ROCK1: variants seen among roughly 807,000 people sequenced by gnomAD.
ROCK1 encodes Rho associated coiled-coil containing protein kinase 1.
ROCK1 carries 36 observed loss-of-function variants against 196.8 expected under a neutral mutation model. The observed-to-expected ratio is 0.18, with a 90% CI of 0.14 to 0.24. ROCK1 has a LOEUF of 0.24. ROCK1 is among the 10% of genes least tolerant of loss of function. The pLI is 1.00. For missense variants in ROCK1, 920 were observed against 1,562.0 expected (o/e 0.59, Z 6.93); for synonymous variants, 443 against 515.9 (o/e 0.86, Z 1.91).
At chr18:21,004,944 A>C (rs1057038493) in intron 16 of ROCK1, among the ~76,000 whole-genome samples, 1 of 152,166 alleles carries the variant, frequency 6.6e-6, no homozygotes, top group Non-Finnish European at 1.5e-5. Flanking sequence ...TTCCTTAGTC[A>C]CAAAAACTGA....
intron 2 of ROCK1, among the ~76,000 whole-genome samples, chr18:21,059,365 G>A (rs1209723714): frequency 6.6e-6 from 1 of 152,124 alleles, no homozygotes; most frequent in Non-Finnish European, 1.5e-5. Flanking sequence ...CCTTCTCTGG[G>A]ACATTATTTC....
At chr18:21,029,736 AAACT>A (rs1405700677) in intron 9 of ROCK1, among the ~76,000 whole-genome samples, 1 of 152,198 alleles carries the variant, frequency 6.6e-6, no homozygotes, top group Non-Finnish European at 1.5e-5. Context: ...ATTCCATATA[AAACT>A]AATACTACTA....
At position 20,954,984 on chromosome 18, in the gene ROCK1, C is replaced by T; in HGVS notation, c.3652G>A (p.Ala1218Thr). The T allele has an allele frequency of 2.5e-6, 4 of 1,613,906 alleles. No individual in the cohort carries two copies. The highest frequency in any genetic ancestry group is 3.4e-6 in the Non-Finnish European group (4 of 1,179,840). Residue 1218 changes from alanine (A) to threonine (T), a missense_variant, in exon 31 of 33, where the codon GCT becomes ACT. Coordinates refer to ENST00000399799, the MANE Select transcript of ROCK1 (RefSeq NM_005406.3). The stretch of plus-strand genomic sequence containing the variant: ...TGATTTTGGAAATTAGTTTTTTCAG[C>T]TTGTTGTACTGGTTCCATCTCTACA... ...KDVEMEPVQQ[A>T]EKTNFQNHKG... is the part of the protein sequence containing the mutation.
At chr18:21,023,561 A>G (rs1282083970) in intron 11 of ROCK1, 59 bp downstream of exon 11, 1 of 936,828 alleles carries the variant, frequency 1.1e-6, no homozygotes, top group African/African-American at 1.7e-5. Flanking sequence ...ATACCCACAA[A>G]TATATTATCC....
At position 21,069,841 on chromosome 18, in the gene ROCK1, A is replaced by T. The variant is rs202182308; in HGVS notation, c.175+691T>A. Among the ~76,000 whole-genome samples the T allele has an allele frequency of 5.0e-4, 76 of 152,176 alleles. No individual in the cohort carries two copies. The East Asian group carries it at 6.5e-3, about 13-fold the overall frequency. On this transcript the variant is annotated intron_variant, in intron 2 of 32. Transcript: ENST00000399799. ...TCAGAATCTGGCACCATATTCAAAA[A>T]CGAAAATAAAACAATAATTTTTTAA...
At chr18:21,024,378 T>TG in intron 10 of ROCK1, among the ~76,000 whole-genome samples, 1 of 152,286 alleles carries the variant, frequency 6.6e-6, no homozygotes, top group East Asian at 1.9e-4. Context: ...ACAATCTAAA[T>TG]AGATCATATA....
At chr18:21,073,514 T>C (rs1321176627) in intron 1 of ROCK1, among the ~76,000 whole-genome samples, 3 of 152,282 alleles carry the variant, frequency 2.0e-5, no homozygotes, top group South Asian at 2.1e-4. Context: ...GTGTAAAACA[T>C]CATTTAGGAT....
chr18:21,036,314 G>A (rs1217108408), intron 9 of ROCK1, among the ~76,000 whole-genome samples: 1 of 152,204 alleles, frequency 6.6e-6, no homozygotes, highest in African/African-American at 2.4e-5. Flanking sequence ...GCCGGCAGAA[G>A]TATTACCACT....
intron 2 of ROCK1, among the ~76,000 whole-genome samples, chr18:21,058,068 T>C (rs997769906): frequency 7.2e-5 from 11 of 152,150 alleles, no homozygotes; most frequent in Admixed American, 1.3e-4. Context: ...TGCAAAGAAA[T>C]AGAACAAACT....
rs534384649 is a variant in ROCK1, at chr18:21,101,374, G to A, written c.93+9444C>T. Among the ~76,000 whole-genome samples, 4 of 152,288 alleles carry A rather than the reference G, an allele frequency of 2.6e-5. No individual in the cohort carries two copies. The South Asian group carries it at 8.3e-4, about 32-fold the overall frequency. On this transcript the variant is annotated intron_variant, in intron 1 of 32. Coordinates refer to ENST00000399799, the MANE Select transcript of ROCK1 (RefSeq NM_005406.3). ...CACCTGAACAGAATGATCAACCTTAGCATCACTACAGGCCAGGCAGACATT... is the reference window on the plus strand; with the variant it reads ...CACCTGAACAGAATGATCAACCTTAACATCACTACAGGCCAGGCAGACATT...
At position 21,015,665 on chromosome 18, in the gene ROCK1, T is replaced by C. The variant is rs1265085934; in HGVS notation, c.1362-186A>G. On this transcript the variant is annotated intron_variant, in intron 12 of 32. Transcript: ENST00000399799. ...AAAATATTTTTTGAAGCACAAAAAT[T>C]ATATATGATTAAAAGAGACAATTAG... Among the ~76,000 whole-genome samples the C allele has an allele frequency of 8.6e-5, 13 of 151,958 alleles. No homozygotes were observed. In the East Asian group the frequency reaches 1.5e-3, roughly 18 times the overall value.
chr18:21,067,025 A>G (rs765390770), intron 2 of ROCK1, among the ~76,000 whole-genome samples: 6 of 152,220 alleles, frequency 3.9e-5, no homozygotes, highest in Non-Finnish European at 8.8e-5. Flanking sequence ...AAAGTGCCTT[A>G]CCATTTACCA....
At chr18:20,975,697 G>A (rs1277414010) in intron 22 of ROCK1, among the ~76,000 whole-genome samples, 2 of 152,028 alleles carry the variant, frequency 1.3e-5, no homozygotes, top group East Asian at 1.9e-4. Context: ...TGCAAGCTCC[G>A]CCTCCCAGGT....
chr18:20,951,279 G>GT lies in ROCK1; in HGVS notation c.*104dup, dbSNP rs1173502759. 2.6e-5 allele frequency: 26 copies of GT among 1,011,462 alleles called. No individual in the cohort carries two copies. The highest frequency in any genetic ancestry group is 3.4e-5 in the Non-Finnish European group (23 of 682,708). The allele number at this position is 1,011,462 out of a possible 1,614,324, so 62.7% of individuals were successfully genotyped here. A position where few individuals can be genotyped will look rare whatever the true frequency, so the allele number is the denominator to read the frequency against. ...AACAGCAATCTTAACCCTGAAGCCT[G>GT]TGATATTTGTGTCAAAGAAACAGCC... On this transcript the variant is annotated 3_prime_UTR_variant, in exon 33 of 33. Transcript: ENST00000399799.
rs763866091 is a variant in ROCK1 at position 20,984,444 on chromosome 18, T to C, written c.2396A>G (p.Asn799Ser). The C allele has an allele frequency of 1.1e-5, 18 of 1,613,182 alleles. No individual in the cohort carries two copies. The highest frequency in any genetic ancestry group is 1.7e-5 in the Admixed American group (1 of 59,958). Residue 799 changes from asparagine (N) to serine (S), a missense_variant, in exon 20 of 33, where the codon AAT becomes AGT. Asn to Ser is a conservative substitution (Grantham distance 46). Coordinates refer to ENST00000399799, the MANE Select transcript of ROCK1 (RefSeq NM_005406.3). ...ELKTQAFEAD[N>S]LKGLEKQMKQ... ...CATCTGCTTTTCTAAACCTTTTAAA[T>C]TGTCTGCCTCAAATGCTTGAGTCTT...
chr18:21,033,657 A>G (rs893619130), intron 9 of ROCK1, among the ~76,000 whole-genome samples: 1 of 151,886 alleles, frequency 6.6e-6, no homozygotes, highest in African/African-American at 2.4e-5. Context: ...ATCAGAAATA[A>G]AAGTTCTACT....
intron 27 of ROCK1, 101 bp downstream of exon 27, chr18:20,966,816 C>T: frequency 1.1e-6 from 1 of 891,036 alleles, no homozygotes; most frequent in South Asian, 1.7e-5. Flanking sequence ...TCTTAGGAAT[C>T]CATGGACAAA....
chr18:21,091,471 C>T (rs1296163952), intron 1 of ROCK1, among the ~76,000 whole-genome samples: 3 of 152,048 alleles, frequency 2.0e-5, no homozygotes, highest in Non-Finnish European at 4.4e-5. Flanking sequence ...GGTGTGGTGG[C>T]ACGCACCTGT....
chr18:20,955,399 TCACTA>T, intron 29 of ROCK1, 154 bp from the exon 30 acceptor site: 1 of 921,758 alleles, frequency 1.1e-6, no homozygotes, highest in Non-Finnish European at 1.6e-6. Flanking sequence ...ACAATAAGTG[TCACTA>T]CACATCTATC....
Sources: gnomAD v4.1 joint callset for allele counts (sites outside exome capture counted in the v4.1 genomes callset) on GRCh38, gnomAD v4.1.1 for gene constraint, MANE v1.5 for transcripts, NCBI Gene and HGNC (gene_info 2026-07-23, HGNC 2026-07-21) for gene names.